SLC45A4: variants seen among roughly 807,000 people sequenced by gnomAD.
The protein encoded by SLC45A4 is solute carrier family 45 member 4, also known as polyamine-transporter SLC45A4.
A neutral mutation model predicts 63.7 loss-of-function variants in SLC45A4; 32 were observed. The ratio of observed to expected loss-of-function variants is 0.50; its 90% confidence interval spans 0.38 to 0.67. The LOEUF is 0.67. SLC45A4 is among the 30% of genes least tolerant of loss of function. The pLI is 0.00. For missense variants in SLC45A4, 1,027 were observed against 1,157.7 expected, an observed-to-expected ratio of 0.89 and a Z score of 1.64; for synonymous variants, 535 against 510.0, an observed-to-expected ratio of 1.05 and a Z score of -0.66.
chr8:141,257,029 T>G (rs1437207936), intron 1 of SLC45A4, among the ~76,000 whole-genome samples: 1 of 152,134 alleles, frequency 6.6e-6, no homozygotes, highest in Non-Finnish European at 1.5e-5. Context: ...AACTTTTGTA[T>G]TTTTAGTAGA....
chr8:141,266,653 G>A (rs901059817), intron 1 of SLC45A4, among the ~76,000 whole-genome samples: 9 of 152,220 alleles, frequency 5.9e-5, no homozygotes, highest in African/African-American at 9.7e-5. Context: ...AAAAGTATTC[G>A]CAAAAGACAT....
At chr8:141,292,085 G>A (rs772426834) in intron 1 of SLC45A4, among the ~76,000 whole-genome samples, 3 of 152,242 alleles carry the variant, frequency 2.0e-5, no homozygotes, top group Non-Finnish European at 2.9e-5. Flanking sequence ...ACAGCACAGA[G>A]AAACCAGACC....
chr8:141,257,726 C>A (rs1361386306), intron 1 of SLC45A4, among the ~76,000 whole-genome samples: 1 of 152,146 alleles, frequency 6.6e-6, no homozygotes, highest in Admixed American at 6.5e-5. Context: ...TCTCTGCTTG[C>A]GACAACAGGG....
intron 2 of SLC45A4, among the ~76,000 whole-genome samples, chr8:141,222,622 CA>C (rs1224345511): frequency 2.0e-5 from 3 of 152,254 alleles, no homozygotes; most frequent in Non-Finnish European, 4.4e-5. Context: ...CATCACCAAC[CA>C]GGCGGGCAAA....
rs917806093 is a variant in SLC45A4, at chr8:141,210,572, G to C, written c.*1000C>G. The C allele has an allele frequency of 4.1e-4, 62 of 152,150 alleles. No homozygotes were observed. The highest frequency in any genetic ancestry group is 1.4e-3 in the African/African-American group (57 of 41,406). 9.4% of individuals were successfully genotyped at this position (152,150 alleles called of 1,614,324 possible). A position where few individuals can be genotyped will look rare whatever the true frequency, so the allele number is the denominator to read the frequency against. On this transcript the variant is annotated 3_prime_UTR_variant, in exon 9 of 9. Coordinates refer to ENST00000517878, the MANE Select transcript of SLC45A4 (RefSeq NM_001286646.2). ...GGCAGGAGACACGGCAAGACCAGAGGCCCATCAAGTACATTAAACAGTCGT... is the reference window on the plus strand; with the variant it reads ...GGCAGGAGACACGGCAAGACCAGAGCCCCATCAAGTACATTAAACAGTCGT...
In SLC45A4 at chr8:141,221,749, G is replaced by A; in HGVS notation, c.258C>T (p.Tyr86=). ...ILLQIGLPEQ[Y]YSLTWFLSPI... ...GGCTCAGGAACCAGGTGAGGCTGTA[G>A]TACTGCTCCGGAAGGCCTGCAAGGG... Residue 86 remains tyrosine, a synonymous_variant, in exon 3 of 9, where the codon TAC becomes TAT. Transcript: ENST00000517878. 6.2e-7 allele frequency: 1 copy of A among 1,613,828 alleles called. No homozygotes were observed.
chr8:141,217,328 C>G (rs1826219309), intron 5 of SLC45A4, 139 bp from the exon 6 acceptor site: 2 of 824,118 alleles, frequency 2.4e-6, no homozygotes, highest in Non-Finnish European at 3.8e-6. Flanking sequence ...GAGGAGAGCC[C>G]AGCCCAAGTC....
intron 2 of SLC45A4, among the ~76,000 whole-genome samples, chr8:141,244,957 T>TGGGGGGGGGG (rs1243475649): frequency 1.2e-4 from 1 of 8,410 alleles, no homozygotes; most frequent in Non-Finnish European, 2.6e-4. Flanking sequence ...AAGACGTGGG[T>TGGGGGGGGGG]GGGGGGGGGG....
At chr8:141,257,795 C>A in intron 1 of SLC45A4, among the ~76,000 whole-genome samples, 1 of 152,184 alleles carries the variant, frequency 6.6e-6, no homozygotes, top group East Asian at 1.9e-4. Flanking sequence ...TTTCAACTCA[C>A]CACAGTGCAC....
chr8:141,222,657 AC>A (rs1826720346), intron 2 of SLC45A4, among the ~76,000 whole-genome samples: 1 of 152,228 alleles, frequency 6.6e-6, no homozygotes, highest in Admixed American at 6.5e-5. Flanking sequence ...CACAAGCACC[AC>A]AGCACGGGAA....
At position 141,212,542 on chromosome 8, in the gene SLC45A4, G is replaced by A; in HGVS notation, c.1956C>T (p.Ser652=). 6.2e-7 allele frequency: 1 copy of A among 1,606,830 alleles called. No homozygotes were observed. The highest frequency in any genetic ancestry group is 1.3e-5 in the African/African-American group (1 of 74,950). Residue 652 remains serine (S), a synonymous_variant, in exon 8 of 9, where the codon AGC becomes AGT. Transcript: ENST00000517878. ...YHDIKQYIHH[S]PGNSKRGFGI... ...CAAACCCTCGCTTGGAGTTCCCGGG[G>A]CTGTGGTGGATGTACTGCAAGAGAG...
chr8:141,244,968 G>GGGGGGC (rs1569558620), intron 2 of SLC45A4, among the ~76,000 whole-genome samples: 1 of 71,920 alleles, frequency 1.4e-5, no homozygotes, highest in East Asian at 3.5e-4. Context: ...GGGGGGGGGG[G>GGGGGGC]GCGGTGTGGA....
At chr8:141,269,472 G>C (rs1589835270) in intron 1 of SLC45A4, among the ~76,000 whole-genome samples, 2 of 151,778 alleles carry the variant, frequency 1.3e-5, no homozygotes, top group Non-Finnish European at 2.9e-5. Flanking sequence ...GTCTGTGTGT[G>C]TGTGTGTGTG....
chr8:141,287,072 T>C (rs1408287599), intron 1 of SLC45A4, among the ~76,000 whole-genome samples: 3 of 152,180 alleles, frequency 2.0e-5, no homozygotes, highest in Non-Finnish European at 2.9e-5. Context: ...CTCCAGGTCA[T>C]GTGCGAGGCC....
chr8:141,303,874 T>C (rs914645178), intron 1 of SLC45A4, among the ~76,000 whole-genome samples: 7 of 152,156 alleles, frequency 4.6e-5, no homozygotes, highest in South Asian at 2.1e-4. Context: ...CTGGGCCCAG[T>C]AGAGGTGGGA....
In SLC45A4 at chr8:141,228,000, G is replaced by A. The variant is rs535997391; in HGVS notation, c.242-6235C>T. Among the ~76,000 whole-genome samples, 11 of 152,280 alleles carry A rather than the reference G, an allele frequency of 7.2e-5. No individual in the cohort carries two copies. Among genetic ancestry groups the A allele is most frequent in the African/African-American group, 2.6e-4 (11 of 41,558 alleles). On this transcript the variant is annotated intron_variant, in intron 2 of 8. Coordinates refer to ENST00000517878, the MANE Select transcript of SLC45A4 (RefSeq NM_001286646.2). The surrounding 1 kb of genome is among the most constrained non-coding windows in gnomAD (Gnocchi z 4.4). ...CGGGCTTTGGCCTTTTGTAGGAGAG[G>A]AGGAATTGAAACTTGAAACCCAGGA...
At chr8:141,306,396 A>G (rs915700600) in intron 1 of SLC45A4, among the ~76,000 whole-genome samples, 2 of 152,178 alleles carry the variant, frequency 1.3e-5, no homozygotes, top group Admixed American at 1.3e-4. Context: ...CTAGAAACAC[A>G]TGAGTTCTTT....
chr8:141,257,188 G>A (rs1471438535), intron 1 of SLC45A4, among the ~76,000 whole-genome samples: 2 of 152,200 alleles, frequency 1.3e-5, no homozygotes, highest in Non-Finnish European at 2.9e-5. Flanking sequence ...AAACAGAATA[G>A]TGTAAGAAAC....
At chr8:141,269,019 C>T (rs895561706) in intron 1 of SLC45A4, among the ~76,000 whole-genome samples, 11 of 152,218 alleles carry the variant, frequency 7.2e-5, no homozygotes, top group African/African-American at 2.4e-4. Context: ...GGAGGGGCTT[C>T]CCTAAACTGC....
Sources: allele counts gnomAD v4.1 joint callset (sites outside exome capture counted in the v4.1 genomes callset), GRCh38; gene constraint gnomAD v4.1.1; non-coding constraint Gnocchi (gnomAD v3.1); transcripts MANE v1.5; gene names NCBI Gene and HGNC (gene_info 2026-07-23, HGNC 2026-07-21).